The following SLC25A21 variants were observed in gnomAD, a reference collection of about 807,000 sequenced individuals.
SLC25A21 encodes mitochondrial 2-oxodicarboxylate carrier.
Under a neutral mutation model 43.8 loss-of-function variants are expected in SLC25A21, and 47 were observed. The observed-to-expected ratio is 1.07, with a 90% CI of 0.85 to 1.37. The LOEUF is 1.37. SLC25A21 is among the 40% of genes most tolerant of loss of function. The probability of loss-of-function intolerance (pLI) is 0.00; values close to 1 mark genes in which losing one functional copy is unlikely to be tolerated. For missense variants in SLC25A21, 352 were observed against 350.2 expected (o/e 1.00, Z -0.04); for synonymous variants, 131 against 121.3 (o/e 1.08, Z -0.52).
chr14:37,005,391 G>A (rs947383316), intron 1 of SLC25A21, among the ~76,000 whole-genome samples: 6 of 152,000 alleles, frequency 3.9e-5, no homozygotes, highest in South Asian at 2.1e-4. Context: ...ATCTTGTTCC[G>A]TTTCCCTTAT....
intron 1 of SLC25A21, among the ~76,000 whole-genome samples, chr14:36,972,428 G>A (rs981390141): frequency 2.0e-5 from 3 of 152,266 alleles, no homozygotes; most frequent in African/African-American, 7.2e-5. Context: ...TAAGGCCATG[G>A]TCATCCCTTT....
At chr14:36,959,471 G>A (rs545495409) in intron 1 of SLC25A21, among the ~76,000 whole-genome samples, 3 of 152,148 alleles carry the variant, frequency 2.0e-5, no homozygotes, top group East Asian at 1.9e-4. Flanking sequence ...AATAAAATCC[G>A]CAAACCTGAG....
At chr14:37,056,472 C>T (rs1408937786) in intron 1 of SLC25A21, among the ~76,000 whole-genome samples, 1 of 145,796 alleles carries the variant, frequency 6.9e-6, no homozygotes, top group Non-Finnish European at 1.5e-5. Context: ...GCCTGGGCGA[C>T]AGCGAGACTC....
intron 1 of SLC25A21, among the ~76,000 whole-genome samples, chr14:36,901,036 GT>G (rs1891385115): frequency 6.6e-6 from 1 of 152,074 alleles, no homozygotes. Flanking sequence ...CAGAACAGCT[GT>G]GTGCAAACAT....
chr14:37,161,669 G>A (rs1343924818), intron 1 of SLC25A21, among the ~76,000 whole-genome samples: 1 of 152,116 alleles, frequency 6.6e-6, no homozygotes, highest in Admixed American at 6.5e-5. Flanking sequence ...GTGACAGATA[G>A]GGAGAGAACG....
At chr14:36,814,103 G>C (rs1477736429) in intron 2 of SLC25A21, 102 bp from the exon 3 acceptor site, 4 of 710,496 alleles carry the variant, frequency 5.6e-6, no homozygotes, top group African/African-American at 1.8e-5. Flanking sequence ...GATTAATCTA[G>C]AATATTCTGC....
intron 2 of SLC25A21, among the ~76,000 whole-genome samples, chr14:36,852,371 A>C (rs1411582265): frequency 6.6e-6 from 1 of 152,212 alleles, no homozygotes; most frequent in Non-Finnish European, 1.5e-5. Context: ...GAGGGGGAAC[A>C]GAACAATTAG....
chr14:36,766,918 G>A (rs528293616), intron 3 of SLC25A21, among the ~76,000 whole-genome samples: 1 of 152,164 alleles, frequency 6.6e-6, no homozygotes, highest in African/African-American at 2.4e-5. Flanking sequence ...GCAGGCAGTA[G>A]TATCTTCTTC....
At chr14:37,142,625 G>C (rs1289159577) in intron 1 of SLC25A21, among the ~76,000 whole-genome samples, 1 of 152,164 alleles carries the variant, frequency 6.6e-6, no homozygotes, top group Non-Finnish European at 1.5e-5. Context: ...CTGGGATTAG[G>C]GCCATGAGCC....
chr14:37,130,131 T>C (rs1594807894), intron 1 of SLC25A21, among the ~76,000 whole-genome samples: 1 of 148,752 alleles, frequency 6.7e-6, no homozygotes, highest in South Asian at 2.1e-4. Context: ...GGCATGGTGG[T>C]GCATGCCTGT....
At chr14:36,845,367 T>C (rs940239663) in intron 2 of SLC25A21, among the ~76,000 whole-genome samples, 7 of 152,200 alleles carry the variant, frequency 4.6e-5, no homozygotes, top group Admixed American at 1.3e-4. Flanking sequence ...GATTGAAAGA[T>C]ACAAAGATCA....
intron 1 of SLC25A21, among the ~76,000 whole-genome samples, chr14:37,163,569 A>G (rs929494396): frequency 6.6e-6 from 1 of 152,146 alleles, no homozygotes; most frequent in Non-Finnish European, 1.5e-5. Context: ...GAAAACAAAA[A>G]AAGGAAATTG....
chr14:36,707,534 A>G (rs910850789), intron 7 of SLC25A21, among the ~76,000 whole-genome samples: 1 of 152,210 alleles, frequency 6.6e-6, no homozygotes, highest in Non-Finnish European at 1.5e-5. Context: ...TGATTAATAA[A>G]TGAATCACTT....
chr14:37,144,787 T>G (rs1420519614), intron 1 of SLC25A21, among the ~76,000 whole-genome samples: 13 of 12,886 alleles, frequency 1.0e-3, no homozygotes, highest in South Asian at 0.062. Flanking sequence ...GTTTTGGGTT[T>G]TTTTTTTTGT....
At chr14:36,769,129 G>T (rs187232882) in intron 3 of SLC25A21, among the ~76,000 whole-genome samples, 1 of 152,160 alleles carries the variant, frequency 6.6e-6, no homozygotes, top group African/African-American at 2.4e-5. Flanking sequence ...AGGGACATAG[G>T]TGATGTGGCA....
At chr14:37,148,822 C>G (rs571289234) in intron 1 of SLC25A21, among the ~76,000 whole-genome samples, 1 of 152,070 alleles carries the variant, frequency 6.6e-6, no homozygotes, top group East Asian at 1.9e-4. Flanking sequence ...AACAAAAAAT[C>G]AAGGAAAAGT....
chr14:36,680,751 A>G (rs2139132822), intron 9 of SLC25A21, 32 bp from the exon 10 acceptor site: 1 of 1,593,226 alleles, frequency 6.3e-7, no homozygotes, highest in Non-Finnish European at 8.6e-7. Flanking sequence ...TTTTATTGCA[A>G]ATCCTCTGGA....
intron 3 of SLC25A21, among the ~76,000 whole-genome samples, chr14:36,779,527 CTATA>C (rs943145603): frequency 5.3e-5 from 7 of 131,338 alleles, no homozygotes; most frequent in Admixed American, 1.6e-4. Flanking sequence ...AAACATATTC[CTATA>C]TATAAGAATA....
intron 1 of SLC25A21, among the ~76,000 whole-genome samples, chr14:37,078,674 A>T (rs1008965099): frequency 2.0e-5 from 3 of 152,222 alleles, no homozygotes; most frequent in Non-Finnish European, 4.4e-5. Context: ...AAGGATTTGA[A>T]AAATGGAAAG....
Sources: gnomAD v4.1 joint callset for allele counts (sites outside exome capture counted in the v4.1 genomes callset) on GRCh38, gnomAD v4.1.1 for gene constraint, MANE v1.5 for transcripts, NCBI Gene and HGNC (gene_info 2026-07-23, HGNC 2026-07-21) for gene names.